The following NOS1 variants were observed in gnomAD, a reference collection of about 807,000 sequenced individuals.
The protein encoded by NOS1 is NOS type I.
Under a neutral mutation model 164.5 loss-of-function variants are expected in NOS1, and 51 were observed. The observed-to-expected ratio is 0.31, with a 90% CI of 0.25 to 0.39. NOS1 has a LOEUF of 0.39. NOS1 is among the 10% of genes least tolerant of loss of function. NOS1 has a pLI of 1.00. For synonymous variants in NOS1, 719 were observed against 745.8 expected, an observed-to-expected ratio of 0.96 and a Z score of 0.59; for missense variants, 1,362 against 1,885.6, an observed-to-expected ratio of 0.72 and a Z score of 5.14.
chr12:117,232,455 G>A (rs1188277654), intron 21 of NOS1, among the ~76,000 whole-genome samples: 1 of 152,046 alleles, frequency 6.6e-6, no homozygotes, highest in African/African-American at 2.4e-5. Flanking sequence ...AGCCTATTTC[G>A]GCCCCATGTG....
Position 117,214,841 on chromosome 12 carries a change from AC to A in NOS1, c.*467del, listed in dbSNP as rs1177182743. The A allele has an allele frequency of 5.4e-6, 5 of 920,214 alleles. No homozygotes were observed. In the East Asian group the frequency reaches 3.6e-4, roughly 66 times the overall value. The allele number at this position is 920,214 out of a possible 1,614,324, so 57.0% of individuals were successfully genotyped here. A position where few individuals can be genotyped will look rare whatever the true frequency, so the allele number is the denominator to read the frequency against. On this transcript the variant is annotated 3_prime_UTR_variant, in exon 29 of 29. Transcript: ENST00000317775. ...GACAGAGACCTGGCCCATCACACAC[AC>A]ACACACACACACACACACACACACA... is the stretch of plus-strand genomic sequence containing the variant.
chr12:117,247,069 G>A (rs979863103), intron 18 of NOS1, among the ~76,000 whole-genome samples: 1 of 152,060 alleles, frequency 6.6e-6, no homozygotes, highest in Admixed American at 6.6e-5. Flanking sequence ...GGGAGTGACG[G>A]ATGGCTTCCT....
chr12:117,344,786 C>T (rs923720061), intron 1 of NOS1, among the ~76,000 whole-genome samples: 3 of 152,136 alleles, frequency 2.0e-5, no homozygotes, highest in African/African-American at 4.8e-5. Flanking sequence ...TTTTGTGATA[C>T]GTGCATTTAT....
intron 13 of NOS1, 44 bp from the exon 14 acceptor site, chr12:117,260,653 G>C: frequency 6.3e-7 from 1 of 1,593,212 alleles, no homozygotes; most frequent in Non-Finnish European, 8.6e-7. Flanking sequence ...AACAGAAAAG[G>C]GGAGAGAAGA....
chr12:117,208,455 G>C lies in NOS1; in HGVS notation c.*6854C>G, dbSNP rs1287137830. The C allele has an allele frequency of 3.2e-6, 4 of 1,267,792 alleles. No individual in the cohort carries two copies. Among genetic ancestry groups the C allele is most frequent in the African/African-American group, 1.6e-5 (1 of 63,196 alleles). 78.5% of individuals were successfully genotyped at this position (1,267,792 alleles called of 1,614,324 possible). ...GCGACCAGGTCTGCCCACCTCCCCAGCTTCCCAAGCCCGGAACGGACACTG... is the reference window on the plus strand; with the variant it reads ...GCGACCAGGTCTGCCCACCTCCCCACCTTCCCAAGCCCGGAACGGACACTG... On this transcript the variant is annotated 3_prime_UTR_variant, in exon 29 of 29. Coordinates refer to ENST00000317775, the MANE Select transcript of NOS1 (RefSeq NM_000620.5).
chr12:117,335,729 T>TGAGAGAGAGAGAGA (rs60613906), intron 1 of NOS1, among the ~76,000 whole-genome samples: 7,499 of 112,226 alleles, frequency 0.067, 804 homozygotes, highest in Admixed American at 0.12. Context: ...ACAGACTATA[T>TGAGAGAGAGAGAGA]GAGAGAGAGA....
chr12:117,218,438 T>A (rs113072250), intron 27 of NOS1, among the ~76,000 whole-genome samples: 1 of 152,012 alleles, frequency 6.6e-6, no homozygotes. Flanking sequence ...TGCTGCTTGG[T>A]GGATTCTCAG....
At chr12:117,269,334 G>C (rs1238492813) in intron 10 of NOS1, among the ~76,000 whole-genome samples, 1 of 152,082 alleles carries the variant, frequency 6.6e-6, no homozygotes, top group Non-Finnish European at 1.5e-5. Context: ...GTGTTTGGAG[G>C]GTGGTACATA....
At chr12:117,326,326 C>T (rs1875243249) in intron 2 of NOS1, among the ~76,000 whole-genome samples, 1 of 149,350 alleles carries the variant, frequency 6.7e-6, no homozygotes, top group Non-Finnish European at 1.5e-5. Context: ...GCGGAGGTTG[C>T]AGTGAGCCGA....
chr12:117,307,106 G>A (rs772125067), intron 3 of NOS1, among the ~76,000 whole-genome samples: 4 of 152,202 alleles, frequency 2.6e-5, no homozygotes, highest in Non-Finnish European at 4.4e-5. Flanking sequence ...TGACCAGTCT[G>A]CCATTGCTCA....
chr12:117,323,797 T>A (rs1875101700), intron 2 of NOS1, among the ~76,000 whole-genome samples: 1 of 152,160 alleles, frequency 6.6e-6, no homozygotes. Context: ...TTTATTTTAT[T>A]TTGAGACAGA....
chr12:117,257,607 C>CTTTTTTTTTTTTTTTTTTTT (rs151304592), intron 16 of NOS1, among the ~76,000 whole-genome samples: 1 of 99,122 alleles, frequency 1.0e-5, no homozygotes, highest in African/African-American at 4.4e-5. Flanking sequence ...TTGATTTTAG[C>CTTTTTTTTTTTTTTTTTTTT]TTTTTTTTTT....
chr12:117,231,321 G>A (rs6490120), intron 22 of NOS1, among the ~76,000 whole-genome samples: 69,335 of 146,670 alleles, frequency 0.47, 18,481 homozygotes, highest in African/African-American at 0.73. Context: ...CTGTCTCAGA[G>A]AAAAAAAAAA....
chr12:117,280,548 G>C (rs9658364), intron 8 of NOS1, among the ~76,000 whole-genome samples, 177 bp downstream of exon 8: 4,301 of 152,290 alleles, frequency 0.028, 209 homozygotes, highest in African/African-American at 0.099. Context: ...GTGACCAAAT[G>C]TCCAGCTGTA....
At chr12:117,220,000 A>C (rs1288761648) in intron 27 of NOS1, 75 bp downstream of exon 27, 9 of 1,421,536 alleles carry the variant, frequency 6.3e-6, no homozygotes, top group Non-Finnish European at 8.7e-6. Context: ...AATCATCAAG[A>C]CAGGTTGGAT....
chr12:117,276,885 G>C (rs1279609664), intron 9 of NOS1, among the ~76,000 whole-genome samples: 2 of 152,054 alleles, frequency 1.3e-5, no homozygotes, highest in Non-Finnish European at 2.9e-5. Flanking sequence ...TTCATCTGTT[G>C]ATGGACACTT....
intron 4 of NOS1, among the ~76,000 whole-genome samples, chr12:117,289,907 T>C (rs890942655): frequency 5.3e-5 from 8 of 152,176 alleles, no homozygotes; most frequent in Admixed American, 6.6e-5. Context: ...CTGGAGCCCA[T>C]TGTATGAGTT....
In NOS1 at chr12:117,211,110, C is replaced by G. The variant is rs1956520755; in HGVS notation, c.*4199G>C. ...TAGCTGAGACTACAGGCGCATGCCACCATGCCCAGCTAATTTTTGTATTTT... is the reference window on the plus strand; with the variant it reads ...TAGCTGAGACTACAGGCGCATGCCAGCATGCCCAGCTAATTTTTGTATTTT... On this transcript the variant is annotated 3_prime_UTR_variant, in exon 29 of 29. Coordinates refer to ENST00000317775, the MANE Select transcript of NOS1 (RefSeq NM_000620.5). The G allele has an allele frequency of 1.8e-6, 1 of 563,926 alleles. No individual in the cohort carries two copies. Among genetic ancestry groups the G allele is most frequent in the African/African-American group, 2.0e-5 (1 of 49,040 alleles). The allele number at this position is 563,926 out of a possible 1,614,324, so 34.9% of individuals were successfully genotyped here.
At chr12:117,287,574 G>A (rs901315450) in intron 5 of NOS1, among the ~76,000 whole-genome samples, 5 of 152,066 alleles carry the variant, frequency 3.3e-5, no homozygotes, top group Non-Finnish European at 7.4e-5. Flanking sequence ...AAGTAGCTAG[G>A]ATTATAGGTG....
Sources: allele counts gnomAD v4.1 joint callset (sites outside exome capture counted in the v4.1 genomes callset), GRCh38; gene constraint gnomAD v4.1.1; transcripts MANE v1.5; gene names NCBI Gene and HGNC (gene_info 2026-07-23, HGNC 2026-07-21).